SHOX: variants seen among roughly 807,000 people sequenced by gnomAD.
SHOX encodes the protein short stature homeobox protein.
A neutral mutation model predicts 29.6 loss-of-function variants in SHOX; 12 were observed. The ratio of observed to expected loss-of-function variants is 0.41; its 90% CI spans 0.26 to 0.66. SHOX has a LOEUF of 0.66. Among genes scored for constraint, SHOX ranks in the 30% least tolerant of loss-of-function variants. The pLI is 0.35. For synonymous variants in SHOX, 214 were observed against 200.6 expected, an observed-to-expected ratio of 1.07 and a Z score of -0.57; for missense variants, 499 against 437.7, an observed-to-expected ratio of 1.14 and a Z score of -1.25.
upstream of SHOX, among the ~76,000 whole-genome samples, chrX:629,582 T>C (rs2052611519): frequency 6.6e-6 from 1 of 152,086 alleles, no homozygotes; most frequent in African/African-American, 2.4e-5. Context: ...CCTGTCTGTC[T>C]CTCTCTTTCT....
At position 651,436 on chromosome X, in the gene SHOX, C is replaced by A; in HGVS notation, c.*6800C>A. The A allele has an allele frequency of 2.2e-6, 1 of 453,444 alleles. No homozygotes were observed. Among genetic ancestry groups the A allele is most frequent in the South Asian group, 1.6e-5 (1 of 63,654 alleles). The allele number at this position is 453,444 out of a possible 1,614,324, so 28.1% of individuals were successfully genotyped here. A position where few individuals can be genotyped will look rare whatever the true frequency, so the allele number is the denominator to read the frequency against. On this transcript the variant is annotated 3_prime_UTR_variant, in exon 5 of 5. Coordinates refer to ENST00000686671, the MANE Select transcript of SHOX (RefSeq NM_000451.4). Reference sequence around the variant, plus strand: ...AGAAAAAAAAACCAAAAAAAACCACCCTGAGTTTCTCTGGTGACGCCCTCA... The same window carrying A: ...AGAAAAAAAAACCAAAAAAAACCACACTGAGTTTCTCTGGTGACGCCCTCA...
At chrX:637,035 G>A (rs1392630518) in intron 2 of SHOX, among the ~76,000 whole-genome samples, 1 of 149,960 alleles carries the variant, frequency 6.7e-6, no homozygotes, top group Non-Finnish European at 1.5e-5. Context: ...CCCTAAGATC[G>A]TTAGGATTAA....
rs2053001686 is a variant in SHOX, at chrX:648,819, G to A, written c.*4183G>A. 6.6e-6 allele frequency among the ~76,000 whole-genome samples: 1 copy of A among 152,020 alleles called. No individual in the cohort carries two copies. The highest frequency in any genetic ancestry group is 1.5e-5 in the Non-Finnish European group (1 of 68,000). On this transcript the variant is annotated 3_prime_UTR_variant, in exon 5 of 5. Coordinates refer to ENST00000686671, the MANE Select transcript of SHOX (RefSeq NM_000451.4). ...TTCTTTCTCCCTGAAACTCTCGGAT[G>A]GAAGGAAGTAAGAAATTCAGCTTGG...
rs1329930672 is a variant in SHOX, at chrX:651,402, CA to C, written c.*6769del. ...CGGTGAGGGGTAGAAAAAAAACAAA[CA>C]AACAAACAGAAAAAAAAACCAAAAA... On this transcript the variant is annotated 3_prime_UTR_variant, in exon 5 of 5. Coordinates refer to ENST00000686671, the MANE Select transcript of SHOX (RefSeq NM_000451.4). 3 of 429,296 alleles carry C rather than the reference CA, an allele frequency of 7.0e-6. No individual in the cohort carries two copies. Among genetic ancestry groups the C allele is most frequent in the Non-Finnish European group, 1.4e-5 (3 of 216,922 alleles). 26.6% of individuals were successfully genotyped at this position (429,296 alleles called of 1,614,324 possible).
Position 646,854 on chromosome X carries a change from A to G in SHOX, c.*2218A>G, listed in dbSNP as rs917684770. 2.0e-5 allele frequency: 3 copies of G among 152,182 alleles called. No individual in the cohort carries two copies. The highest frequency in any genetic ancestry group is 7.2e-5 in the African/African-American group (3 of 41,446). The allele number at this position is 152,182 out of a possible 1,614,324, so 9.4% of individuals were successfully genotyped here. On this transcript the variant is annotated 3_prime_UTR_variant, in exon 5 of 5. Coordinates refer to ENST00000686671, the MANE Select transcript of SHOX (RefSeq NM_000451.4). ...TTAAGCTGAAATTTTTATCGAAAAGAAGAATTGCATTTTGAATCTTTGGGA... is the reference window on the plus strand; with the variant it reads ...TTAAGCTGAAATTTTTATCGAAAAGGAGAATTGCATTTTGAATCTTTGGGA...
intron 2 of SHOX, among the ~76,000 whole-genome samples, chrX:636,970 A>ATATATATATATAT (rs1458275715): frequency 2.8e-4 from 38 of 137,306 alleles, no homozygotes; most frequent in African/African-American, 8.9e-4. Context: ...ATATATATAT[A>ATATATATATATAT]TTTTGGCTCC....
rs1219027094 is a variant in SHOX, at chrX:646,386, C to A, written c.*1750C>A. On this transcript the variant is annotated 3_prime_UTR_variant, in exon 5 of 5. Transcript: ENST00000686671. ...TTGGCATTAGTTACCACAGCCTGCC[C>A]AGAGAGAAACTATCTTCTCCCAACA... 6.6e-6 allele frequency: 1 copy of A among 151,732 alleles called. No individual in the cohort carries two copies. The highest frequency in any genetic ancestry group is 2.4e-5 in the African/African-American group (1 of 41,268). The allele number at this position is 151,732 out of a possible 1,614,324, so 9.4% of individuals were successfully genotyped here.
At chrX:651,996 C>G (rs1024875517), downstream of SHOX, among the ~76,000 whole-genome samples, 2 of 151,954 alleles carry the variant, frequency 1.3e-5, no homozygotes, top group African/African-American at 4.8e-5. Context: ...GATCTCGGCT[C>G]ACCGCGACCT....
chrX:648,469 C>T lies in SHOX; in HGVS notation c.*3833C>T, dbSNP rs2052994724. ...CTCAAACTCCTGACCTCAGGTTGAC[C>T]TGCCCGCTTTGTCCCTCGCAAAGTG... On this transcript the variant is annotated 3_prime_UTR_variant, in exon 5 of 5. Coordinates refer to ENST00000686671, the MANE Select transcript of SHOX (RefSeq NM_000451.4). Among the ~76,000 whole-genome samples the T allele has an allele frequency of 6.6e-6, 1 of 152,178 alleles. No homozygotes were observed. Among genetic ancestry groups the T allele is most frequent in the African/African-American group, 2.4e-5 (1 of 41,436 alleles).
At chrX:625,374 A>G (rs1483175547) in intron 1 of SHOX, among the ~76,000 whole-genome samples, 1 of 151,992 alleles carries the variant, frequency 6.6e-6, no homozygotes, top group African/African-American at 2.4e-5. Flanking sequence ...GGCAAAAGGC[A>G]TTTCATACAG....
At chrX:641,807 C>T (rs2052858719) in intron 4 of SHOX, among the ~76,000 whole-genome samples, 1 of 152,162 alleles carries the variant, frequency 6.6e-6, no homozygotes. Context: ...AGTCAGGCAC[C>T]CCCACCTGGC....
At chrX:658,261 C>T (rs28368483) in intron 5 of SHOX, among the ~76,000 whole-genome samples, 7,549 of 152,060 alleles carry the variant, frequency 0.05, 223 homozygotes, top group Middle Eastern at 0.13. Flanking sequence ...AGACATGAGC[C>T]AGCACGCCCG....
chrX:650,820 C>T lies in SHOX; in HGVS notation c.*6184C>T, dbSNP rs967252849. Among the ~76,000 whole-genome samples the T allele has an allele frequency of 5.9e-5, 4 of 67,826 alleles. No individual in the cohort carries two copies. The highest frequency in any genetic ancestry group is 1.0e-4 in the Non-Finnish European group (3 of 29,758). 44.5% of individuals were successfully genotyped at this position (67,826 alleles called of 152,430 possible). On this transcript the variant is annotated 3_prime_UTR_variant, in exon 5 of 5. Transcript: ENST00000686671. ...AAAAAAAAAAAAAAAAAAAAAAAAA[C>T]TGGTGCCTAATTTATTAAAGAGAAT...
intron 4 of SHOX, among the ~76,000 whole-genome samples, chrX:642,302 G>A (rs976946226): frequency 6.7e-6 from 1 of 149,812 alleles, no homozygotes; most frequent in African/African-American, 2.4e-5. Context: ...AACGGGCTTG[G>A]GGGGGGGGCT....
chrX:640,822 T>C lies in SHOX; in HGVS notation c.488T>C (p.Val163Ala). The change falls in exon 3 of 5, where the codon GTT (valine) becomes GCT (alanine). Residue 163 changes from valine (V) to alanine (A), a missense_variant and splice_region_variant. Coordinates refer to ENST00000686671, the MANE Select transcript of SHOX (RefSeq NM_000451.4). ...RLGLSEARVQ[V>A]WFQNRRAKCR... is the part of the protein sequence containing the mutation. ...CATCTCTCTCTGCTTCTCCCCAAGGTTTGGTTCCAGAACCGGAGAGCCAAG... is the reference window on the plus strand; with the variant it reads ...CATCTCTCTCTGCTTCTCCCCAAGGCTTGGTTCCAGAACCGGAGAGCCAAG... The C allele has an allele frequency of 6.2e-7, 1 of 1,613,794 alleles. No homozygotes were observed. The highest frequency in any genetic ancestry group is 8.5e-7 in the Non-Finnish European group (1 of 1,179,840).
At chrX:625,293 C>T (rs2052503385) in intron 1 of SHOX, among the ~76,000 whole-genome samples, 1 of 149,216 alleles carries the variant, frequency 6.7e-6, no homozygotes, top group South Asian at 2.1e-4. Flanking sequence ...TTCCCCTTTG[C>T]GTTTTTATTC....
chrX:654,666 G>A (rs540471153), downstream of SHOX, among the ~76,000 whole-genome samples: 1 of 152,206 alleles, frequency 6.6e-6, no homozygotes, highest in East Asian at 1.9e-4. Context: ...TATTCAGCAG[G>A]CAAGAGGATA....
intron 4 of SHOX, among the ~76,000 whole-genome samples, chrX:643,112 G>T (rs373682082): frequency 1.3e-4 from 19 of 149,368 alleles, no homozygotes; most frequent in African/African-American, 4.5e-4. Context: ...GAGGCTTGGG[G>T]ACCTGGTGAC....
Position 649,872 on chromosome X carries a change from G to C in SHOX, c.*5236G>C, listed in dbSNP as rs981629588. 25 of 455,572 alleles carry C rather than the reference G, an allele frequency of 5.5e-5. No homozygotes were observed. Among genetic ancestry groups the C allele is most frequent in the Admixed American group, 3.5e-4 (15 of 42,492 alleles). The allele number at this position is 455,572 out of a possible 1,614,324, so 28.2% of individuals were successfully genotyped here. A position where few individuals can be genotyped will look rare whatever the true frequency, so the allele number is the denominator to read the frequency against. Reference sequence around the variant, plus strand: ...CAAAAAACACTTCTTCCTTTGAGTGGCTGTTCTGGTGAAATCTGTTTCTGA... The same window carrying C: ...CAAAAAACACTTCTTCCTTTGAGTGCCTGTTCTGGTGAAATCTGTTTCTGA... On this transcript the variant is annotated 3_prime_UTR_variant, in exon 5 of 5. Coordinates refer to ENST00000686671, the MANE Select transcript of SHOX (RefSeq NM_000451.4).
Sources: gnomAD v4.1 joint callset for allele counts (sites outside exome capture counted in the v4.1 genomes callset) on GRCh38, gnomAD v4.1.1 for gene constraint, MANE v1.5 for transcripts, NCBI Gene and HGNC (gene_info 2026-07-23, HGNC 2026-07-21) for gene names.